Variants in HOMER2 observed in about 807,000 individuals in gnomAD.
HOMER2 encodes homer protein homolog 2.
Under a neutral mutation model 47.0 loss-of-function variants are expected in HOMER2, and 27 were observed. The ratio of observed to expected loss-of-function variants is 0.57; its 90% CI spans 0.42 to 0.79. The LOEUF (loss-of-function observed/expected upper bound fraction) is 0.79. HOMER2 is among the 30% of genes least tolerant of loss of function. HOMER2 has a pLI of 0.00. For missense variants in HOMER2, 443 were observed against 435.0 expected (o/e 1.02, Z -0.16); for synonymous variants, 161 against 163.8 (o/e 0.98, Z 0.13).
chr15:82,854,584 C>T lies in HOMER2; in HGVS notation c.651+60G>A, dbSNP rs1415984403. 5 of 1,529,452 alleles carry T rather than the reference C, an allele frequency of 3.3e-6. No individual in the cohort carries two copies. In the African/African-American group the frequency reaches 5.4e-5, roughly 17 times the overall value. The allele number at this position is 1,529,452 out of a possible 1,614,324, so 94.7% of individuals were successfully genotyped here. ...GAGGGAGAAAAAGGGTTGTGGGTGC[C>T]CCCATCTCCCACTGCCCACACCAGC... On this transcript the variant is annotated intron_variant, in intron 6 of 8. Transcript: ENST00000450735.
intron 1 of HOMER2, among the ~76,000 whole-genome samples, chr15:82,976,247 C>G (rs932773919): frequency 1.3e-5 from 2 of 151,784 alleles, no homozygotes; most frequent in Non-Finnish European, 2.9e-5. Flanking sequence ...TATCTAGTTG[C>G]AATTATCTCT....
In HOMER2 at chr15:82,928,002, C is replaced by T. The variant is rs544625470; in HGVS notation, c.5+24529G>A. Among the ~76,000 whole-genome samples the T allele has an allele frequency of 3.1e-3, 463 of 149,852 alleles. 6 individuals are homozygous for T. The highest frequency in any genetic ancestry group is 4.6e-3 in the Non-Finnish European group (310 of 67,878). On this transcript the variant is annotated intron_variant, in intron 1 of 8. Coordinates refer to ENST00000450735, the MANE Select transcript of HOMER2 (RefSeq NM_004839.4). ...AAAAAAAAAAAAAAAAAAAGTGCAC[C>T]GCTAGGCTACTTCTGCCCCTCCACG...
chr15:82,962,550 G>A (rs143628471), intron 1 of HOMER2, among the ~76,000 whole-genome samples: 1,649 of 151,326 alleles, frequency 0.011, 9 homozygotes, highest in Non-Finnish European at 0.017. Flanking sequence ...GGTGGCGTGC[G>A]CCTATAATCC....
chr15:82,841,188 C>G (rs911327064), exon 2 of HOMER2: 2 of 151,922 alleles, frequency 1.3e-5, no homozygotes, highest in Admixed American at 1.3e-4. Flanking sequence ...TACTATGGAC[C>G]AACCAATCAT....
At chr15:82,843,559 G>A (rs1210307686) in exon 2 of HOMER2, 1 of 139,750 alleles carries the variant, frequency 7.2e-6, no homozygotes, top group Non-Finnish European at 1.5e-5. Flanking sequence ...TTGACTAAAA[G>A]GTGTTTTTTT....
intron 5 of HOMER2, among the ~76,000 whole-genome samples, chr15:82,857,422 C>CTTTTTTT (rs71156058): frequency 1.3e-5 from 1 of 74,192 alleles, no homozygotes. Context: ...GATGATACAG[C>CTTTTTTT]TTTTTTTTTT....
intron 1 of HOMER2, among the ~76,000 whole-genome samples, chr15:82,945,767 G>A (rs1230458019): frequency 7.9e-5 from 12 of 151,950 alleles, no homozygotes; most frequent in East Asian, 1.9e-4. Context: ...TCAGGAGATC[G>A]AGACCATCCT....
At chr15:82,845,348 T>C (rs538213216), downstream of HOMER2, 1 of 114,480 alleles carries the variant, frequency 8.7e-6, no homozygotes, top group South Asian at 2.3e-4. Flanking sequence ...GCCTGGGTAG[T>C]GTTTAAAGCC....
At chr15:82,969,943 ATGTT>A (rs1219286707) in intron 1 of HOMER2, among the ~76,000 whole-genome samples, 3 of 152,228 alleles carry the variant, frequency 2.0e-5, no homozygotes, top group African/African-American at 4.8e-5. Flanking sequence ...CATGGAATAA[ATGTT>A]TGTTTAACTG....
At chr15:82,901,809 A>G (rs969100089) in intron 1 of HOMER2, among the ~76,000 whole-genome samples, 1 of 152,242 alleles carries the variant, frequency 6.6e-6, no homozygotes, top group African/African-American at 2.4e-5. Flanking sequence ...GAAAAACATT[A>G]AAAGCATTTG....
chr15:82,937,015 G>T (rs1475916148), intron 1 of HOMER2, among the ~76,000 whole-genome samples: 1 of 152,170 alleles, frequency 6.6e-6, no homozygotes, highest in Non-Finnish European at 1.5e-5. Flanking sequence ...AAGACTATTA[G>T]GTTGGGTTAG....
intron 1 of HOMER2, among the ~76,000 whole-genome samples, chr15:82,981,196 G>T (rs913239053): frequency 6.6e-6 from 1 of 152,190 alleles, no homozygotes; most frequent in African/African-American, 2.4e-5. Flanking sequence ...CATTTGACAG[G>T]CTCATTTATC....
At chr15:82,976,361 A>C (rs924593244) in intron 1 of HOMER2, among the ~76,000 whole-genome samples, 17 of 151,504 alleles carry the variant, frequency 1.1e-4, no homozygotes, top group Non-Finnish European at 1.9e-4. Flanking sequence ...GCAGTGGTGC[A>C]ATCTCAGCTC....
chr15:82,847,580 G>C (rs2051270288), downstream of HOMER2, among the ~76,000 whole-genome samples: 1 of 152,176 alleles, frequency 6.6e-6, no homozygotes, highest in Non-Finnish European at 1.5e-5. Context: ...CTCCACTTCT[G>C]GAGTTTTCTA....
chr15:82,962,621 A>C (rs539315383), intron 1 of HOMER2, among the ~76,000 whole-genome samples: 263 of 151,382 alleles, frequency 1.7e-3, no homozygotes, highest in Non-Finnish European at 2.6e-3. Context: ...AGGTTGCAGC[A>C]AGCCGATATT....
intron 1 of HOMER2, among the ~76,000 whole-genome samples, chr15:82,907,587 A>C (rs1369046434): frequency 6.6e-6 from 1 of 152,174 alleles, no homozygotes; most frequent in Non-Finnish European, 1.5e-5. Flanking sequence ...GAAGCAGAAA[A>C]TCAGTACATA....
intron 3 of HOMER2, among the ~76,000 whole-genome samples, chr15:82,864,997 A>G (rs2051919669): frequency 6.6e-6 from 1 of 152,276 alleles, no homozygotes; most frequent in African/African-American, 2.4e-5. Context: ...CCAATTCTGC[A>G]GGTTTTATTG....
intron 3 of HOMER2, among the ~76,000 whole-genome samples, chr15:82,872,266 C>G (rs976791398): frequency 6.6e-6 from 1 of 152,152 alleles, no homozygotes; most frequent in Non-Finnish European, 1.5e-5. Flanking sequence ...TAAACAAATT[C>G]TCTCTGCTCC....
intron 1 of HOMER2, among the ~76,000 whole-genome samples, chr15:82,982,930 T>G (rs1048348819): frequency 6.6e-6 from 1 of 152,216 alleles, no homozygotes; most frequent in Admixed American, 6.5e-5. Flanking sequence ...CTCTTCTCTA[T>G]GAATACTTTC....
Sources: allele counts gnomAD v4.1 joint callset (sites outside exome capture counted in the v4.1 genomes callset), GRCh38; gene constraint gnomAD v4.1.1; transcripts MANE v1.5; gene names NCBI Gene and HGNC (gene_info 2026-07-23, HGNC 2026-07-21).